The following MCTP1 variants were observed in gnomAD, a reference collection of about 807,000 sequenced individuals.
MCTP1 encodes multiple C2 and transmembrane domain-containing protein 1.
Under a neutral mutation model 120.6 loss-of-function variants are expected in MCTP1, and 69 were observed. The ratio of observed to expected loss-of-function variants is 0.57; its 90% CI spans 0.47 to 0.70. The LOEUF is 0.70. MCTP1 is among the 30% of genes least tolerant of loss of function. The probability of loss-of-function intolerance (pLI) is 0.00; values close to 1 mark genes in which losing one functional copy is unlikely to be tolerated. For synonymous variants in MCTP1, 529 were observed against 493.1 expected (o/e 1.07, Z -0.96); for missense variants, 1,203 against 1,248.8 (o/e 0.96, Z 0.55).
At chr5:94,722,304 T>C in intron 19 of MCTP1, among the ~76,000 whole-genome samples, 1 of 152,034 alleles carries the variant, frequency 6.6e-6, no homozygotes, top group East Asian at 1.9e-4. Flanking sequence ...GACATCGGGG[T>C]GAATATTCTG....
chr5:95,140,726 A>C (rs1291515006), intron 1 of MCTP1, among the ~76,000 whole-genome samples: 4 of 136,790 alleles, frequency 2.9e-5, no homozygotes, highest in African/African-American at 5.7e-5. Context: ...AAAAAAAAAA[A>C]AAAATTAGCC....
chr5:95,070,365 C>T (rs1751830450), intron 1 of MCTP1, among the ~76,000 whole-genome samples: 1 of 152,214 alleles, frequency 6.6e-6, no homozygotes, highest in Non-Finnish European at 1.5e-5. Context: ...AACACCTGCT[C>T]CAGCCTCCTC....
At chr5:94,878,537 A>G (rs953867935) in intron 12 of MCTP1, among the ~76,000 whole-genome samples, 1 of 152,072 alleles carries the variant, frequency 6.6e-6, no homozygotes, top group Non-Finnish European at 1.5e-5. Flanking sequence ...AGATTTTGTA[A>G]TGTCCTTTTT....
At chr5:95,179,661 A>G (rs1659864760) in intron 1 of MCTP1, among the ~76,000 whole-genome samples, 1 of 152,210 alleles carries the variant, frequency 6.6e-6, no homozygotes, top group Non-Finnish European at 1.5e-5. Flanking sequence ...CTGGCACTAC[A>G]AGAACTGCTA....
At chr5:95,114,406 G>T (rs1757670667) in intron 1 of MCTP1, among the ~76,000 whole-genome samples, 1 of 152,200 alleles carries the variant, frequency 6.6e-6, no homozygotes, top group Non-Finnish European at 1.5e-5. Flanking sequence ...CTGCCCTTGG[G>T]ACAGAGGGAA....
At chr5:94,846,770 G>T (rs747024478) in intron 17 of MCTP1, among the ~76,000 whole-genome samples, 3 of 151,890 alleles carry the variant, frequency 2.0e-5, no homozygotes. Context: ...CTCTGTGTGT[G>T]TCTCTGGTAT....
chr5:95,215,542 C>T (rs534012016), intron 1 of MCTP1, among the ~76,000 whole-genome samples: 20 of 152,254 alleles, frequency 1.3e-4, no homozygotes, highest in African/African-American at 4.1e-4. Flanking sequence ...TACTCAAAAA[C>T]GGAGCAAACT....
intron 10 of MCTP1, among the ~76,000 whole-genome samples, chr5:94,896,858 T>G (rs1804125607): frequency 6.6e-6 from 1 of 152,054 alleles, no homozygotes; most frequent in Non-Finnish European, 1.5e-5. Flanking sequence ...AATTTACCAA[T>G]GAGAAAACTG....
chr5:95,233,599 G>T (rs1376598113), intron 1 of MCTP1, among the ~76,000 whole-genome samples: 1 of 152,172 alleles, frequency 6.6e-6, no homozygotes, highest in Non-Finnish European at 1.5e-5. Flanking sequence ...AAAGTGCTGG[G>T]ATTACAGGCG....
In MCTP1 at chr5:94,931,934, A is replaced by G. The variant is rs1814786679; in HGVS notation, c.1212+19T>C. The G allele has an allele frequency of 6.3e-7, 1 of 1,590,772 alleles. No individual in the cohort carries two copies. Among genetic ancestry groups the G allele is most frequent in the East Asian group, 2.2e-5 (1 of 44,614 alleles). ...TCTGCTCAACAAGAAAAGCTGAAAG[A>G]TCACAAGCTAAGAATTACCTTACTT... On this transcript the variant is annotated intron_variant, in intron 6 of 22. Transcript: ENST00000515393.
At chr5:95,030,259 G>A (rs1460596802) in intron 1 of MCTP1, among the ~76,000 whole-genome samples, 2 of 152,184 alleles carry the variant, frequency 1.3e-5, no homozygotes, top group Non-Finnish European at 2.9e-5. Context: ...AGACTTCAGT[G>A]TACCACAACA....
intron 2 of MCTP1, among the ~76,000 whole-genome samples, chr5:94,978,212 G>A (rs1021660322): frequency 3.3e-5 from 5 of 152,064 alleles, no homozygotes; most frequent in Non-Finnish European, 5.9e-5. Context: ...ACGTGTTGGT[G>A]AGGATGTGAA....
chr5:95,061,996 T>A (rs921978759), intron 1 of MCTP1, among the ~76,000 whole-genome samples: 2 of 152,218 alleles, frequency 1.3e-5, no homozygotes, highest in Admixed American at 1.3e-4. Context: ...TAACCCTGTT[T>A]TCTGAGGAAG....
chr5:95,170,093 A>G (rs1479884601), intron 1 of MCTP1, among the ~76,000 whole-genome samples: 2 of 152,120 alleles, frequency 1.3e-5, no homozygotes, highest in African/African-American at 2.4e-5. Context: ...TGTGTCCCAG[A>G]GATTCTGGTA....
At chr5:95,262,926 G>T (rs143005593) in intron 1 of MCTP1, among the ~76,000 whole-genome samples, 2 of 152,094 alleles carry the variant, frequency 1.3e-5, no homozygotes, top group East Asian at 1.9e-4. Flanking sequence ...ATTTGATTTC[G>T]CATTATGGGG....
At chr5:94,767,090 A>G (rs1772940831) in intron 19 of MCTP1, among the ~76,000 whole-genome samples, 1 of 152,262 alleles carries the variant, frequency 6.6e-6, no homozygotes, top group Admixed American at 6.5e-5. Context: ...AGTTGGATTT[A>G]TCTGAGGCAT....
intron 1 of MCTP1, among the ~76,000 whole-genome samples, chr5:95,098,109 A>T (rs1756412825): frequency 6.6e-6 from 1 of 152,138 alleles, no homozygotes; most frequent in Non-Finnish European, 1.5e-5. Flanking sequence ...CGGTAAGTTT[A>T]GTTTTAAAAT....
At chr5:94,712,419 GTTT>G (rs11320054) in intron 20 of MCTP1, among the ~76,000 whole-genome samples, 1 of 149,132 alleles carries the variant, frequency 6.7e-6, no homozygotes, top group Non-Finnish European at 1.5e-5. Flanking sequence ...CTTGAGGTGA[GTTT>G]TTTTTTTTCA....
chr5:94,816,380 C>T (rs1266283770), intron 17 of MCTP1, among the ~76,000 whole-genome samples: 1 of 152,032 alleles, frequency 6.6e-6, no homozygotes, highest in Non-Finnish European at 1.5e-5. Flanking sequence ...TTCAATTATA[C>T]TATGAAAATT....
Sources: gnomAD v4.1 joint callset for allele counts (sites outside exome capture counted in the v4.1 genomes callset) on GRCh38, gnomAD v4.1.1 for gene constraint, MANE v1.5 for transcripts, NCBI Gene and HGNC (gene_info 2026-07-23, HGNC 2026-07-21) for gene names.